The following GABRB1 variants were observed in gnomAD, a reference collection of about 807,000 sequenced individuals.
GABRB1 encodes the protein gamma-aminobutyric acid type A receptor subunit beta1.
GABRB1 carries 17 observed loss-of-function variants against 51.6 expected under a neutral mutation model. The ratio of observed to expected loss-of-function variants is 0.33; its 90% CI spans 0.23 to 0.49. GABRB1 has a LOEUF of 0.49. Among genes scored for constraint, GABRB1 ranks in the 20% least tolerant of loss-of-function variants. GABRB1 has a pLI of 0.99. For missense variants in GABRB1, 410 were observed against 600.6 expected (o/e 0.68, Z 3.32); for synonymous variants, 247 against 218.9 (o/e 1.13, Z -1.14).
At chr4:47,272,407 A>T (rs535378039) in intron 4 of GABRB1, among the ~76,000 whole-genome samples, 1 of 152,046 alleles carries the variant, frequency 6.6e-6, no homozygotes, top group Non-Finnish European at 1.5e-5. Context: ...TTTACATTTT[A>T]TTTTATTCCG....
intron 4 of GABRB1, among the ~76,000 whole-genome samples, chr4:47,260,503 C>T (rs1722387512): frequency 6.6e-6 from 1 of 152,058 alleles, no homozygotes; most frequent in Non-Finnish European, 1.5e-5. Flanking sequence ...CCTTCAGGAG[C>T]TCTTTTAGGG....
intron 3 of GABRB1, among the ~76,000 whole-genome samples, chr4:47,061,867 T>A (rs1359402482): frequency 2.0e-5 from 3 of 152,184 alleles, no homozygotes; most frequent in Non-Finnish European, 4.4e-5. Context: ...TCAGGTGAAT[T>A]TTTTATATGA....
intron 3 of GABRB1, among the ~76,000 whole-genome samples, chr4:47,117,532 C>T (rs1380089466): frequency 6.6e-6 from 1 of 152,128 alleles, no homozygotes; most frequent in East Asian, 1.9e-4. Flanking sequence ...AACTCCTACC[C>T]AATATGCCGT....
intron 2 of GABRB1, 91 bp from the exon 3 acceptor site, chr4:47,032,326 G>T: frequency 8.4e-7 from 1 of 1,197,420 alleles, no homozygotes; most frequent in Non-Finnish European, 1.2e-6. Context: ...AGCCCGTTAA[G>T]AATGGAGTAA....
rs554672717 is a variant in GABRB1 at position 47,314,323 on chromosome 4, G to A, written c.462-5804G>A. On this transcript the variant is annotated intron_variant, in intron 4 of 8. Transcript: ENST00000295454. ...TTTTAAAAATTACTCACAACTCTAA[G>A]TACCCATACACATGAGACATTAACT... Among the ~76,000 whole-genome samples the A allele has an allele frequency of 7.2e-5, 11 of 152,064 alleles. No individual in the cohort carries two copies. In the South Asian group the frequency reaches 2.3e-3, roughly 32 times the overall value.
At chr4:47,277,368 G>T (rs939305842) in intron 4 of GABRB1, among the ~76,000 whole-genome samples, 5 of 152,082 alleles carry the variant, frequency 3.3e-5, no homozygotes, top group Non-Finnish European at 7.4e-5. Context: ...GGCTCGGAAG[G>T]ATAGTGAGGG....
chr4:47,386,767 G>A (rs767216851), intron 5 of GABRB1, among the ~76,000 whole-genome samples: 2 of 152,184 alleles, frequency 1.3e-5, no homozygotes, highest in Non-Finnish European at 2.9e-5. Context: ...TTAAGCTGAT[G>A]AAATTGAAGC....
intron 4 of GABRB1, among the ~76,000 whole-genome samples, chr4:47,182,839 A>G (rs1436455210): frequency 6.6e-6 from 1 of 151,962 alleles, no homozygotes; most frequent in African/African-American, 2.4e-5. Context: ...AGAGATTTTT[A>G]TATAGTGCTT....
chr4:47,034,673 T>C (rs1340087493), intron 3 of GABRB1, among the ~76,000 whole-genome samples: 1 of 152,208 alleles, frequency 6.6e-6, no homozygotes, highest in Non-Finnish European at 1.5e-5. Context: ...AAGTTTATTT[T>C]ATCTTCTGTC....
In GABRB1 at chr4:47,306,974, A is replaced by G. The variant is rs181189886; in HGVS notation, c.462-13153A>G. 3.9e-5 allele frequency among the ~76,000 whole-genome samples: 6 copies of G among 152,264 alleles called. No homozygotes were observed. The East Asian group carries it at 1.2e-3, about 29-fold the overall frequency. ...CCTTGTGTGTAGCAAGTAGGGAACT[A>G]GAAGTATAGTGGCTGAGTCAAGAGG... On this transcript the variant is annotated intron_variant, in intron 4 of 8. Coordinates refer to ENST00000295454, the MANE Select transcript of GABRB1 (RefSeq NM_000812.4).
chr4:47,302,756 A>G (rs114921915), intron 4 of GABRB1, among the ~76,000 whole-genome samples: 7,318 of 152,066 alleles, frequency 0.048, 249 homozygotes, highest in Non-Finnish European at 0.074. Flanking sequence ...CAATTTGTTT[A>G]TTCATTTAAA....
At chr4:47,156,059 T>C (rs1447678977) in intron 3 of GABRB1, among the ~76,000 whole-genome samples, 1 of 151,444 alleles carries the variant, frequency 6.6e-6, no homozygotes, top group Non-Finnish European at 1.5e-5. Flanking sequence ...CTCATTGATA[T>C]ATTGTTTCAT....
At chr4:47,269,558 G>C (rs549579968) in intron 4 of GABRB1, among the ~76,000 whole-genome samples, 2 of 152,022 alleles carry the variant, frequency 1.3e-5, no homozygotes, top group South Asian at 4.1e-4. Flanking sequence ...CAACAATTGA[G>C]GCAACTAGAA....
At chr4:47,339,876 T>G (rs1008605950) in intron 5 of GABRB1, among the ~76,000 whole-genome samples, 3 of 150,080 alleles carry the variant, frequency 2.0e-5, no homozygotes, top group Non-Finnish European at 3.0e-5. Context: ...GGAAACTTAA[T>G]TAACTTTCTT....
intron 3 of GABRB1, among the ~76,000 whole-genome samples, chr4:47,109,529 T>G (rs547986929): frequency 1.1e-4 from 16 of 152,132 alleles, no homozygotes; most frequent in Non-Finnish European, 1.6e-4. Flanking sequence ...CTTGAAAGAA[T>G]GATAATGTCT....
intron 4 of GABRB1, among the ~76,000 whole-genome samples, chr4:47,291,232 C>T (rs1026171556): frequency 7.2e-5 from 11 of 152,178 alleles, no homozygotes; most frequent in Admixed American, 7.2e-4. Flanking sequence ...GGACGGAAGC[C>T]CCAGGCCTTG....
chr4:47,315,474 A>T (rs1724850049), intron 4 of GABRB1, among the ~76,000 whole-genome samples: 1 of 152,012 alleles, frequency 6.6e-6, no homozygotes, highest in South Asian at 2.1e-4. Flanking sequence ...CAGTTTGGTG[A>T]TTTCTCAAAG....
At chr4:47,347,856 C>T (rs1726161069) in intron 5 of GABRB1, among the ~76,000 whole-genome samples, 1 of 152,080 alleles carries the variant, frequency 6.6e-6, no homozygotes. Flanking sequence ...AAAAGTGTTA[C>T]AGACAACAGG....
intron 5 of GABRB1, among the ~76,000 whole-genome samples, chr4:47,397,018 T>G (rs1265115659): frequency 5.3e-5 from 8 of 152,214 alleles, no homozygotes; most frequent in African/African-American, 1.9e-4. Context: ...TTTTGTTGTT[T>G]GTAGAAGTTT....
Sources: allele counts gnomAD v4.1 joint callset (sites outside exome capture counted in the v4.1 genomes callset), GRCh38; gene constraint gnomAD v4.1.1; transcripts MANE v1.5; gene names NCBI Gene and HGNC (gene_info 2026-07-23, HGNC 2026-07-21).